MTSS1: variants seen among roughly 807,000 people sequenced by gnomAD.
MTSS1 encodes MTSS I-BAR domain containing 1, also known as protein MTSS 1.
MTSS1 carries 18 observed loss-of-function variants against 79.0 expected under a neutral mutation model. The ratio of observed to expected loss-of-function variants is 0.23; its 90% CI spans 0.16 to 0.34. The LOEUF (loss-of-function observed/expected upper bound fraction) is 0.34, where lower values mean the gene tolerates loss of function less well. Among genes scored for constraint, MTSS1 ranks in the 10% least tolerant of loss-of-function variants. The pLI is 1.00. For synonymous variants in MTSS1, 341 were observed against 368.6 expected, an observed-to-expected ratio of 0.93 and a Z score of 0.86; for missense variants, 815 against 986.2, an observed-to-expected ratio of 0.83 and a Z score of 2.33.
chr8:124,634,535 C>T (rs1438680565), intron 3 of MTSS1, among the ~76,000 whole-genome samples: 2 of 152,214 alleles, frequency 1.3e-5, no homozygotes, highest in Admixed American at 1.3e-4. Context: ...AACCATACTC[C>T]ATAAATATTT....
intron 3 of MTSS1, among the ~76,000 whole-genome samples, chr8:124,671,215 T>C (rs1268014611): frequency 3.3e-5 from 5 of 151,962 alleles, no homozygotes; most frequent in Non-Finnish European, 7.4e-5. Context: ...TCCAAAATTT[T>C]CCCACTGAGC....
At chr8:124,642,969 C>T (rs368414480) in intron 3 of MTSS1, among the ~76,000 whole-genome samples, 18 of 152,318 alleles carry the variant, frequency 1.2e-4, no homozygotes, top group African/African-American at 4.3e-4. Flanking sequence ...CTACTTGAGC[C>T]AGCCATTGTG....
Position 124,553,415 on chromosome 8 carries a change from C to A in MTSS1, c.1845G>T (p.Val615=). The A allele has an allele frequency of 6.2e-7, 1 of 1,607,426 alleles. No homozygotes were observed. Among genetic ancestry groups the A allele is most frequent in the South Asian group, 1.1e-5 (1 of 90,546 alleles). The change falls in exon 14 of 14, where the codon GTG becomes GTT. Residue 615 remains valine, a synonymous_variant. Coordinates refer to ENST00000518547, the MANE Select transcript of MTSS1 (RefSeq NM_014751.6). The surrounding 1 kb of genome is among the most constrained non-coding windows in gnomAD (Gnocchi z 6.0). The part of the protein sequence containing the change: ...GAGPIPIKTP[V]IPVKTPTVPD... ...GGACGGTTGGGGTCTTGACAGGGATCACGGGTGTCTTGATGGGGATGGGAC... is the reference window on the plus strand; with the variant it reads ...GGACGGTTGGGGTCTTGACAGGGATAACGGGTGTCTTGATGGGGATGGGAC...
intron 3 of MTSS1, among the ~76,000 whole-genome samples, chr8:124,622,474 C>T (rs1411874428): frequency 4.0e-4 from 54 of 134,210 alleles, no homozygotes; most frequent in Middle Eastern, 3.9e-3. Flanking sequence ...TTTAGGAGCT[C>T]TTGCCATATT....
chr8:124,593,926 G>A (rs974781964), intron 3 of MTSS1, among the ~76,000 whole-genome samples: 1 of 152,154 alleles, frequency 6.6e-6, no homozygotes, highest in African/African-American at 2.4e-5. Flanking sequence ...ACGCTATTAC[G>A]GGTGTTGGTG....
In MTSS1 at chr8:124,551,685, T is replaced by C. The variant is rs1342952434; in HGVS notation, c.*1307A>G. The C allele has an allele frequency of 4.6e-5, 7 of 152,270 alleles. No homozygotes were observed. The highest frequency in any genetic ancestry group is 2.1e-4 in the South Asian group (1 of 4,834). The allele number at this position is 152,270 out of a possible 1,614,324, so 9.4% of individuals were successfully genotyped here. The stretch of plus-strand genomic sequence containing the variant: ...TAAATCTACAAATCTCTGTTGGCTT[T>C]AGGGGATGGGCAGTATAACAAATTT... On this transcript the variant is annotated 3_prime_UTR_variant, in exon 14 of 14. Transcript: ENST00000518547.
chr8:124,568,280 C>G (rs1465636612), intron 7 of MTSS1, 99 bp downstream of exon 7: 1 of 1,378,528 alleles, frequency 7.3e-7, no homozygotes, highest in Non-Finnish European at 9.9e-7. Context: ...TGATTCCTGA[C>G]AGTAGATTCT....
chr8:124,557,875 A>G lies in MTSS1; in HGVS notation c.1036T>C (p.Leu346=). The change falls in exon 11 of 14, where the codon TTG becomes CTG. Residue 346 remains leucine (L), a splice_region_variant and synonymous_variant. Coordinates refer to ENST00000518547, the MANE Select transcript of MTSS1 (RefSeq NM_014751.6). The part of the protein sequence containing the change: ...SPMPPEAPNQ[L]SNGFSHYSLS... ...CTATAGTGAGAAAACCCGTTAGACA[A>G]CTGGAAACAAACAAAAAAAGGGGGG... The G allele has an allele frequency of 6.5e-7, 1 of 1,543,244 alleles. No homozygotes were observed. The highest frequency in any genetic ancestry group is 1.2e-5 in the South Asian group (1 of 86,084).
At chr8:124,556,662 G>A in intron 11 of MTSS1, 1 of 507,856 alleles carries the variant, frequency 2.0e-6, no homozygotes, top group Middle Eastern at 5.3e-4. Context: ...CCAGGTGGCA[G>A]CAGGAGACCC....
intron 1 of MTSS1, among the ~76,000 whole-genome samples, chr8:124,720,719 C>T (rs1195892059): frequency 6.6e-6 from 1 of 152,212 alleles, no homozygotes; most frequent in East Asian, 1.9e-4. Context: ...AAGGGTGGGG[C>T]AGTGTCTGCC....
At chr8:124,716,560 T>C (rs961155175) in intron 1 of MTSS1, among the ~76,000 whole-genome samples, 1 of 152,180 alleles carries the variant, frequency 6.6e-6, no homozygotes, top group Non-Finnish European at 1.5e-5. Context: ...GAGAATGACC[T>C]GAAGTGTTTG....
chr8:124,621,157 A>G (rs2133545134), intron 3 of MTSS1, among the ~76,000 whole-genome samples: 1 of 152,306 alleles, frequency 6.6e-6, no homozygotes, highest in Non-Finnish European at 1.5e-5. Flanking sequence ...AACAATGACA[A>G]TACTGCGATC....
intron 3 of MTSS1, among the ~76,000 whole-genome samples, chr8:124,672,584 T>C (rs1175766881): frequency 1.3e-5 from 2 of 151,614 alleles, no homozygotes; most frequent in East Asian, 1.9e-4. Context: ...GGTGGGAGGA[T>C]TGCTTGAACC....
At chr8:124,642,493 A>G (rs532858125) in intron 3 of MTSS1, among the ~76,000 whole-genome samples, 2 of 152,356 alleles carry the variant, frequency 1.3e-5, no homozygotes, top group East Asian at 3.8e-4. Context: ...TTAGATCTCT[A>G]GGCATCTCCT....
chr8:124,615,684 G>A (rs147515154), intron 3 of MTSS1, among the ~76,000 whole-genome samples: 202 of 152,052 alleles, frequency 1.3e-3, no homozygotes, highest in African/African-American at 4.5e-3. Flanking sequence ...TGATTAAGAC[G>A]GTATATGTTA....
chr8:124,624,751 G>C (rs1426818562), intron 3 of MTSS1, among the ~76,000 whole-genome samples: 2 of 152,224 alleles, frequency 1.3e-5, no homozygotes, highest in Non-Finnish European at 2.9e-5. Context: ...CCAACCACCA[G>C]ACGGCTGGAA....
chr8:124,597,272 C>G lies in MTSS1; in HGVS notation c.209-6037G>C, dbSNP rs1587115875. 6.6e-6 allele frequency among the ~76,000 whole-genome samples: 1 copy of G among 152,270 alleles called. No individual in the cohort carries two copies. The highest frequency in any genetic ancestry group is 1.9e-4 in the East Asian group (1 of 5,176). The stretch of plus-strand genomic sequence containing the variant: ...CCTGAGGCTCAGGAGGGTTAACAAC[C>G]TTGCTGAGGGCCACATTGCTGGTCA... On this transcript the variant is annotated intron_variant, in intron 3 of 13. Transcript: ENST00000518547. The surrounding 1 kb of genome is among the most constrained non-coding windows in gnomAD (Gnocchi z 4.6).
chr8:124,590,240 T>C (rs1315934819), intron 4 of MTSS1, among the ~76,000 whole-genome samples: 1 of 152,234 alleles, frequency 6.6e-6, no homozygotes, highest in Admixed American at 6.5e-5. Context: ...TGTGATATTC[T>C]AGTGTTTGTA....
chr8:124,567,882 C>G, intron 7 of MTSS1: 1 of 1,435,970 alleles, frequency 7.0e-7, no homozygotes, highest in Non-Finnish European at 9.1e-7. Flanking sequence ...TTACGGCATG[C>G]AAATGATTTC....
Sources: allele counts gnomAD v4.1 joint callset (sites outside exome capture counted in the v4.1 genomes callset), GRCh38; gene constraint gnomAD v4.1.1; non-coding constraint Gnocchi (gnomAD v3.1); transcripts MANE v1.5; gene names NCBI Gene and HGNC (gene_info 2026-07-23, HGNC 2026-07-21).